The following TEX15 variants were observed in gnomAD, a reference collection of about 807,000 sequenced individuals.
The protein encoded by TEX15 is testis expressed 15, meiosis and synapsis associated.
In TEX15, 171 loss-of-function variants were observed where a neutral mutation model predicts 237.3. The ratio of observed to expected loss-of-function variants is 0.72; its 90% CI spans 0.64 to 0.82. The LOEUF is 0.82. Among genes scored for constraint, TEX15 ranks in the 40% least tolerant of loss-of-function variants. TEX15 has a pLI of 0.00. For missense variants in TEX15, 3,750 were observed against 3,646.5 expected (o/e 1.03, Z -0.73); for synonymous variants, 1,338 against 1,269.8 (o/e 1.05, Z -1.14).
chr8:30,843,193 T>A lies in TEX15; in HGVS notation c.6974A>T (p.Glu2325Val). ...CTCAAGCCCAATAGGGGAAATTGGT[T>A]CATTGTTTAAATCTTTAGACAAAGT... ...YDTLSKDLNN[E>V]PISPIGLEED... Residue 2325 changes from glutamate (E) to valine (V), a missense_variant, in exon 8 of 11, where the codon GAA becomes GTA. Coordinates refer to ENST00000643185, the MANE Select transcript of TEX15 (RefSeq NM_001350162.2). The A allele has an allele frequency of 3.7e-6, 6 of 1,613,556 alleles. No individual in the cohort carries two copies. The highest frequency in any genetic ancestry group is 5.1e-6 in the Non-Finnish European group (6 of 1,179,664).
intron 5 of TEX15, among the ~76,000 whole-genome samples, chr8:30,862,793 T>C (rs1451854342): frequency 6.6e-6 from 1 of 152,178 alleles, no homozygotes; most frequent in Non-Finnish European, 1.5e-5. Flanking sequence ...GATTTCTCTT[T>C]ATGTTTATTT....
In TEX15 at chr8:30,842,868, C is replaced by T. The variant is rs900165737; in HGVS notation, c.7299G>A (p.Glu2433=). 2.5e-6 allele frequency: 4 copies of T among 1,611,460 alleles called. No homozygotes were observed. The highest frequency in any genetic ancestry group is 1.3e-5 in the African/African-American group (1 of 74,856). The change falls in exon 8 of 11, where the codon GAG becomes GAA. Residue 2433 remains glutamate (E), a synonymous_variant. Coordinates refer to ENST00000643185, the MANE Select transcript of TEX15 (RefSeq NM_001350162.2). ...TAGCTTCAGGCTTTAAAATGATAGC[C>T]TCATGGCTGTGGTTTATCACCACGT... ...VLDVVINHSH[E]AIILKPEAIE... is the part of the protein sequence containing the mutation.
In TEX15 at chr8:30,845,051, T is replaced by A. The variant is rs1807563915; in HGVS notation, c.5116A>T (p.Asn1706Tyr). The part of the protein sequence containing the change: ...ITGNFLMGPL[N>Y]LTLIASKKYS... The stretch of plus-strand genomic sequence containing the variant: ...TTTTTACTTGCTATCAAAGTTAGGT[T>A]TAATGGGCCCATAAGGAAGTTTCCT... The change falls in exon 8 of 11, where the codon AAC (asparagine) becomes TAC (tyrosine). Residue 1706 changes from asparagine (N) to tyrosine (Y), a missense_variant. Physicochemically the swap from Asn to Tyr is moderately radical, Grantham distance 143 (BLOSUM62 -2). Transcript: ENST00000643185. 6.2e-7 allele frequency: 1 copy of A among 1,613,514 alleles called. No individual in the cohort carries two copies. The highest frequency in any genetic ancestry group is 1.7e-5 in the Admixed American group (1 of 59,994).
intron 7 of TEX15, among the ~76,000 whole-genome samples, chr8:30,851,918 A>G (rs891736487): frequency 6.6e-6 from 1 of 152,072 alleles, no homozygotes; most frequent in African/African-American, 2.4e-5. Context: ...TGGGTGACAG[A>G]GCAAGACCCC....
chr8:30,897,897 C>T (rs551419044), intron 2 of TEX15, among the ~76,000 whole-genome samples: 28 of 152,272 alleles, frequency 1.8e-4, no homozygotes, highest in Admixed American at 1.5e-3. Flanking sequence ...CTCCTCACCT[C>T]AAGCAATCCT....
chr8:30,838,727 CACACACAT>C (rs1807369160), intron 9 of TEX15, among the ~76,000 whole-genome samples: 1 of 145,004 alleles, frequency 6.9e-6, no homozygotes, highest in East Asian at 2.0e-4. Flanking sequence ...CATATATACA[CACACACAT>C]ACACACATAT....
rs1391950788 is a variant in TEX15 at position 30,832,306 on chromosome 8, C to T, written c.*980G>A. 6.6e-6 allele frequency: 1 copy of T among 152,186 alleles called. No individual in the cohort carries two copies. The highest frequency in any genetic ancestry group is 2.4e-5 in the African/African-American group (1 of 41,450). 9.4% of individuals were successfully genotyped at this position (152,186 alleles called of 1,614,324 possible). On this transcript the variant is annotated 3_prime_UTR_variant, in exon 11 of 11. Transcript: ENST00000643185. ...TTCAGCCAAACCAATTCTCTTGTCA[C>T]ATTTTAGGGCTAACCCTTGAGAAAG...
intron 9 of TEX15, 104 bp downstream of exon 9, chr8:30,839,802 A>T: frequency 1.5e-6 from 1 of 646,846 alleles, no homozygotes; most frequent in Non-Finnish European, 2.6e-6. Flanking sequence ...AGTTACATGT[A>T]TGATCCAATG....
intron 1 of TEX15, among the ~76,000 whole-genome samples, chr8:30,912,319 C>T (rs1341981852): frequency 5.9e-4 from 2 of 3,398 alleles, no homozygotes; most frequent in African/African-American, 1.3e-3. Context: ...AGTTGCGGTC[C>T]CGGGGCGGCG....
chr8:30,890,359 GTTA>G (rs981534257), intron 2 of TEX15, among the ~76,000 whole-genome samples: 6 of 152,058 alleles, frequency 3.9e-5, no homozygotes, highest in African/African-American at 1.4e-4. Flanking sequence ...GAATAATCCT[GTTA>G]TTATTAGGAG....
Position 30,846,939 on chromosome 8 carries a change from T to C in TEX15, c.3228A>G (p.Gln1076=), listed in dbSNP as rs756518689. The change falls in exon 8 of 11, where the codon CAA becomes CAG. Residue 1076 remains glutamine, a synonymous_variant. Transcript: ENST00000643185. ...EDCDDAFIFQ[Q]DTHSHENMLC... ...GCATGTTTTCATGGCTATGTGTATC[T>C]TGTTGAAATATAAAAGCATCATCAC... 19 of 1,613,774 alleles carry C rather than the reference T, an allele frequency of 1.2e-5. No homozygotes were observed. The highest frequency in any genetic ancestry group is 1.4e-5 in the Non-Finnish European group (16 of 1,179,722).
intron 1 of TEX15, among the ~76,000 whole-genome samples, chr8:30,912,669 C>A (rs550971758): frequency 1.6e-3 from 242 of 152,310 alleles, no homozygotes; most frequent in African/African-American, 5.3e-3. Context: ...GGAGGCCCAC[C>A]TTTGGCCCCA....
At chr8:30,860,471 A>T (rs1280565727) in intron 5 of TEX15, among the ~76,000 whole-genome samples, 2 of 152,010 alleles carry the variant, frequency 1.3e-5, no homozygotes, top group African/African-American at 4.8e-5. Flanking sequence ...TTTCTAGATG[A>T]ATGGGATGAC....
rs1807185074 is a variant in TEX15 at position 30,831,815 on chromosome 8, T to C, written c.*1471A>G. ...ATAAACCAAATGACTGAGGGAAACATAAATCAAATGGCTGTTATTCATTTT... is the reference window on the plus strand; with the variant it reads ...ATAAACCAAATGACTGAGGGAAACACAAATCAAATGGCTGTTATTCATTTT... On this transcript the variant is annotated 3_prime_UTR_variant, in exon 11 of 11. Coordinates refer to ENST00000643185, the MANE Select transcript of TEX15 (RefSeq NM_001350162.2). 2 of 152,216 alleles carry C rather than the reference T, an allele frequency of 1.3e-5. No individual in the cohort carries two copies. Among genetic ancestry groups the C allele is most frequent in the African/African-American group, 2.4e-5 (1 of 41,464 alleles). 9.4% of individuals were successfully genotyped at this position (152,216 alleles called of 1,614,324 possible). A position where few individuals can be genotyped will look rare whatever the true frequency, so the allele number is the denominator to read the frequency against.
At chr8:30,907,694 TA>T (rs200913461) in intron 1 of TEX15, among the ~76,000 whole-genome samples, 6,299 of 135,362 alleles carry the variant, frequency 0.047, 233 homozygotes, top group Non-Finnish European at 0.066. Flanking sequence ...ATTTTATATA[TA>T]AAATACATAT....
chr8:30,849,899 G>A (rs189090344), intron 7 of TEX15, among the ~76,000 whole-genome samples: 174 of 152,040 alleles, frequency 1.1e-3, no homozygotes, highest in African/African-American at 3.3e-3. Context: ...ACTCCATCTC[G>A]GGGGCTGGGG....
intron 2 of TEX15, among the ~76,000 whole-genome samples, chr8:30,898,467 G>C (rs1315907197): frequency 6.6e-6 from 1 of 152,150 alleles, no homozygotes; most frequent in Non-Finnish European, 1.5e-5. Context: ...GGACTTCTCT[G>C]CTTCCAGAAC....
In TEX15 at chr8:30,846,648, G is replaced by T. The variant is rs138205237; in HGVS notation, c.3519C>A (p.Asp1173Glu). 4,055 of 1,613,890 alleles carry T rather than the reference G, an allele frequency of 2.5e-3. 5 individuals carry two copies. The highest frequency in any genetic ancestry group is 4.1e-3 in the Admixed American group (244 of 59,996). Residue 1173 changes from aspartate to glutamate, a missense_variant, in exon 8 of 11, where the codon GAC becomes GAA. Transcript: ENST00000643185. The stretch of plus-strand genomic sequence containing the variant: ...AAAAACTATCTTTCAATGCAAGGGA[G>T]TCAGCTGTCGGGCTGAATCCTGGCC... ...IFRPGFSPTA[D>E]SLALKDSFCT...
intron 5 of TEX15, among the ~76,000 whole-genome samples, chr8:30,866,339 AAGGG>A: frequency 2.0e-5 from 3 of 149,992 alleles, no homozygotes; most frequent in Non-Finnish European, 4.4e-5. Context: ...AGAAAGGGGA[AAGGG>A]GAAAGGAGAA....
Sources: gnomAD v4.1 joint callset for allele counts (sites outside exome capture counted in the v4.1 genomes callset) on GRCh38, gnomAD v4.1.1 for gene constraint, MANE v1.5 for transcripts, NCBI Gene and HGNC (gene_info 2026-07-23, HGNC 2026-07-21) for gene names.